RTN4: variants seen among roughly 807,000 people sequenced by gnomAD.
RTN4 encodes reticulon 4.
RTN4 carries 32 observed loss-of-function variants against 90.4 expected under a neutral mutation model. That is an observed-to-expected ratio of 0.35 (90% CI 0.27 to 0.48). The LOEUF (loss-of-function observed/expected upper bound fraction) is 0.48. Ranked by LOEUF, RTN4 falls within the 20% of genes least tolerant of loss-of-function variation. RTN4 has a pLI of 0.99. For synonymous variants in RTN4, 629 were observed against 552.5 expected (o/e 1.14, Z -1.94); for missense variants, 1,706 against 1,430.2 (o/e 1.19, Z -3.11).
the RTN4 span, among the ~76,000 whole-genome samples, chr2:55,132,474 G>A: frequency 1.3e-5 from 2 of 149,856 alleles, no homozygotes; most frequent in Admixed American, 1.3e-4. Flanking sequence ...CTGCACTCCA[G>A]CCTGGGCAAC....
rs903534559 is a variant in RTN4 at position 55,102,425 on chromosome 2, A to G, written c.-214+10095T>C. ...TGTTGTTTTACGGCAAAACAGCCATAAACTACACATAAACAAAGGGACATA... is the reference window on the plus strand; with the variant it reads ...TGTTGTTTTACGGCAAAACAGCCATGAACTACACATAAACAAAGGGACATA... On this transcript the variant is annotated intron_variant, in intron 1 of 3. Transcript: ENST00000427710. 2.0e-5 allele frequency among the ~76,000 whole-genome samples: 3 copies of G among 152,318 alleles called. No individual in the cohort carries two copies. The East Asian group carries it at 5.8e-4, about 29-fold the overall frequency.
At chr2:55,118,229 G>T in the RTN4 span, among the ~76,000 whole-genome samples, 4 of 152,090 alleles carry the variant, frequency 2.6e-5, no homozygotes, top group Non-Finnish European at 5.9e-5. Flanking sequence ...ACTTTGGGAG[G>T]TCAAGGTGAA....
intron 3 of RTN4, among the ~76,000 whole-genome samples, chr2:55,020,961 A>C (rs1417039410): frequency 6.6e-6 from 1 of 152,190 alleles, no homozygotes; most frequent in Non-Finnish European, 1.5e-5. Context: ...TCACCACTGC[A>C]CTTCAGCCTG....
chr2:54,975,014 A>G (rs944132179), intron 5 of RTN4, among the ~76,000 whole-genome samples: 32 of 152,212 alleles, frequency 2.1e-4, no homozygotes, highest in African/African-American at 7.5e-4. Context: ...TGCTGAGATC[A>G]GACAATATAC....
intron 1 of RTN4, among the ~76,000 whole-genome samples, chr2:55,096,254 A>G (rs1669031668): frequency 6.6e-6 from 1 of 151,630 alleles, no homozygotes; most frequent in Admixed American, 6.6e-5. Context: ...TGAACCCGGG[A>G]GGCGGAGGTT....
At chr2:55,050,849 G>A (rs1403759762), upstream of RTN4, 1 of 152,080 alleles carries the variant, frequency 6.6e-6, no homozygotes, top group South Asian at 2.1e-4. The surrounding 1 kb of genome is among the most constrained non-coding windows in gnomAD (Gnocchi z 4.6). Flanking sequence ...CACTGGGAAA[G>A]GGGGCGGGCT....
rs747022995 is a variant in RTN4 at position 55,050,123 on chromosome 2, C to T, written c.178G>A (p.Ala60Thr). 3.3e-6 allele frequency: 5 copies of T among 1,511,642 alleles called. No homozygotes were observed. The highest frequency in any genetic ancestry group is 2.4e-5 in the South Asian group (2 of 81,716). The allele number at this position is 1,511,642 out of a possible 1,614,324, so 93.6% of individuals were successfully genotyped here. ...ACTGGGGCCGCGGACAGCCCGGCGGCGGGCTTCCTCTCCAGCACCTCCAGC... is the reference window on the plus strand; with the variant it reads ...ACTGGGGCCGCGGACAGCCCGGCGGTGGGCTTCCTCTCCAGCACCTCCAGC... ...EELEVLERKP[A>T]AGLSAAPVPT... Residue 60 changes from alanine (A) to threonine (T), a missense_variant, in exon 1 of 9, where the codon GCC (alanine) becomes ACC (threonine). Physicochemically the swap from Ala to Thr is moderately conservative, Grantham distance 58 (BLOSUM62 0). Coordinates refer to ENST00000337526, the MANE Select transcript of RTN4 (RefSeq NM_020532.5). This position sits in a 1 kb window ranked among gnomAD's most constrained non-coding sequence, Gnocchi z 4.6.
intron 3 of RTN4, among the ~76,000 whole-genome samples, chr2:55,023,602 C>T (rs191146926): frequency 5.3e-5 from 8 of 152,112 alleles, no homozygotes; most frequent in Non-Finnish European, 8.8e-5. Flanking sequence ...GACTTTCTGC[C>T]AGCACCTGTA....
In RTN4 at chr2:55,105,050, A is replaced by C. The variant is rs540790411; in HGVS notation, c.-214+7470T>G. ...TCAAACTCCTGAGCTCAAGCAATCC[A>C]CTCACCATGTCCTCCCAAAACGCTG... On this transcript the variant is annotated intron_variant, in intron 1 of 3. Coordinates refer to the RTN4 transcript ENST00000427710. 1.9e-3 allele frequency among the ~76,000 whole-genome samples: 280 copies of C among 150,922 alleles called. 2 individuals carry two copies. Among genetic ancestry groups the C allele is most frequent in the African/African-American group, 6.6e-3 (272 of 40,998 alleles).
chr2:55,100,521 C>T (rs987809494), intron 1 of RTN4, among the ~76,000 whole-genome samples: 3 of 152,086 alleles, frequency 2.0e-5, no homozygotes, highest in Non-Finnish European at 4.4e-5. Context: ...CAACTGAAGA[C>T]AGTGAAAGGG....
At chr2:55,082,601 C>T (rs1487345903) in intron 1 of RTN4, among the ~76,000 whole-genome samples, 1 of 152,182 alleles carries the variant, frequency 6.6e-6, no homozygotes, top group Non-Finnish European at 1.5e-5. Context: ...TAAATTTCTG[C>T]AAAGCTCAAG....
chr2:55,010,430 G>T, intron 3 of RTN4: 1 of 1,047,454 alleles, frequency 9.5e-7, no homozygotes, highest in Non-Finnish European at 1.2e-6. Flanking sequence ...TTTGCAGGGA[G>T]AGGGCAGGCT....
chr2:55,113,345 T>C (rs1668070919), upstream of RTN4, among the ~76,000 whole-genome samples: 1 of 152,172 alleles, frequency 6.6e-6, no homozygotes, highest in Admixed American at 6.5e-5. Flanking sequence ...CTGGGGCATG[T>C]TCAGGTCAAT....
At chr2:54,986,681 A>AG (rs1678585739) in intron 4 of RTN4, among the ~76,000 whole-genome samples, 1 of 152,208 alleles carries the variant, frequency 6.6e-6, no homozygotes, top group Admixed American at 6.5e-5. Context: ...AACAAGTTTG[A>AG]GGGGAAAAGT....
At chr2:55,115,298 A>G (rs1297278348), upstream of RTN4, among the ~76,000 whole-genome samples, 1 of 152,180 alleles carries the variant, frequency 6.6e-6, no homozygotes, top group East Asian at 1.9e-4. Context: ...GGCTTCTAAA[A>G]GCTCCCACAT....
chr2:55,027,333 A>G lies in RTN4; in HGVS notation c.766T>C (p.Ser256Pro), dbSNP rs983297791. The change falls in exon 3 of 9, where the codon TCA (serine) becomes CCA (proline). Residue 256 changes from serine to proline, a missense_variant. Coordinates refer to ENST00000337526, the MANE Select transcript of RTN4 (RefSeq NM_020532.5). Reference sequence around the variant, plus strand: ...GTTCCTTCAGTGGGTAATACTGTTGACAAATTACCAAGGTATTCATGTTCT... The same window carrying G: ...GTTCCTTCAGTGGGTAATACTGTTGGCAAATTACCAAGGTATTCATGTTCT... ...FKEHEYLGNL[S>P]TVLPTEGTLQ... 5.0e-6 allele frequency: 8 copies of G among 1,613,522 alleles called. No individual in the cohort carries two copies. The highest frequency in any genetic ancestry group is 1.7e-5 in the Admixed American group (1 of 59,916).
chr2:55,042,445 G>C (rs1272932685), intron 1 of RTN4, among the ~76,000 whole-genome samples: 1 of 152,122 alleles, frequency 6.6e-6, no homozygotes, highest in Non-Finnish European at 1.5e-5. Context: ...AGAGTCCTCT[G>C]CATCTATTTT....
Position 55,026,043 on chromosome 2 carries a change from C to G in RTN4, c.2056G>C (p.Ala686Pro). ...TAAGGAGCTTCTGTTTCTTGAAGAG[C>G]TGCATTAATATTTTCAGGCTCTTTA... ...EIKEPENINAALQETEAPYIS... is the reference protein window; with the variant it reads ...EIKEPENINAPLQETEAPYIS... The change falls in exon 3 of 9, where the codon GCT (alanine) becomes CCT (proline). Residue 686 changes from alanine to proline, a missense_variant. By Grantham distance (27) the Ala-to-Pro change is conservative. Transcript: ENST00000337526. 1.2e-6 allele frequency: 2 copies of G among 1,611,252 alleles called. No homozygotes were observed. The highest frequency in any genetic ancestry group is 1.7e-6 in the Non-Finnish European group (2 of 1,179,352).
At chr2:55,097,450 G>A (rs1200258624) in intron 1 of RTN4, among the ~76,000 whole-genome samples, 1 of 152,066 alleles carries the variant, frequency 6.6e-6, no homozygotes, top group Non-Finnish European at 1.5e-5. Flanking sequence ...TACTCTAAGA[G>A]AATAATAGAA....
Sources: gnomAD v4.1 joint callset for allele counts (sites outside exome capture counted in the v4.1 genomes callset) on GRCh38, gnomAD v4.1.1 for gene constraint, Gnocchi (gnomAD v3.1) non-coding constraint, MANE v1.5 for transcripts, NCBI Gene and HGNC (gene_info 2026-07-23, HGNC 2026-07-21) for gene names.